The following ZDHHC24 variants were observed in gnomAD, a reference collection of about 807,000 sequenced individuals.
ZDHHC24 encodes the protein zDHHC palmitoyltransferase 24.
In ZDHHC24, 17 loss-of-function variants were observed where a neutral mutation model predicts 23.2. The ratio of observed to expected loss-of-function variants is 0.73; its 90% CI spans 0.50 to 1.10. The LOEUF is 1.10. Among genes scored for constraint, ZDHHC24 ranks in the 50% least tolerant of loss-of-function variants. The probability of loss-of-function intolerance (pLI) is 0.00; values close to 1 mark genes in which losing one functional copy is unlikely to be tolerated. For missense variants in ZDHHC24, 366 were observed against 393.0 expected (o/e 0.93, Z 0.58); for synonymous variants, 186 against 194.5 (o/e 0.96, Z 0.36).
chr11:66,530,489 A>G (rs373749886), intron 2 of ZDHHC24, among the ~76,000 whole-genome samples: 5 of 152,174 alleles, frequency 3.3e-5, no homozygotes, highest in Admixed American at 2.0e-4. Flanking sequence ...TGACCCAACC[A>G]GGTTCTGAGT....
At chr11:66,531,130 G>T, downstream of ZDHHC24, 1 of 1,504,612 alleles carries the variant, frequency 6.6e-7, no homozygotes, top group South Asian at 1.2e-5. Flanking sequence ...GAGCGTGCGG[G>T]TGGCTGCCAG....
At chr11:66,534,545 C>T (rs1042818451), downstream of ZDHHC24, among the ~76,000 whole-genome samples, 3 of 149,732 alleles carry the variant, frequency 2.0e-5, no homozygotes, top group African/African-American at 7.4e-5. Flanking sequence ...CACTTGTAAT[C>T]CCAGCCCTTT....
At chr11:66,527,876 C>T (rs1487388571) in intron 3 of ZDHHC24, among the ~76,000 whole-genome samples, 2 of 152,018 alleles carry the variant, frequency 1.3e-5, no homozygotes, top group African/African-American at 4.8e-5. Flanking sequence ...AGATGATAGC[C>T]AGACCCCCAG....
Position 66,539,498 on chromosome 11 carries a change from C to A in ZDHHC24, c.*31G>T. On this transcript the variant is annotated 3_prime_UTR_variant, in exon 3 of 3. Transcript: ENST00000310442. ...TGTGGGGGCCCCCCTCTCACCCCTT[C>A]CTCCCTGCACAGCTCTGGCTCTTCC... is the stretch of plus-strand genomic sequence containing the variant. The A allele has an allele frequency of 1.3e-6, 2 of 1,500,760 alleles. No homozygotes were observed. The highest frequency in any genetic ancestry group is 8.9e-7 in the Non-Finnish European group (1 of 1,126,560). 93.0% of individuals were successfully genotyped at this position (1,500,760 alleles called of 1,614,324 possible). A position where few individuals can be genotyped will look rare whatever the true frequency, so the allele number is the denominator to read the frequency against.
intron 2 of ZDHHC24, among the ~76,000 whole-genome samples, chr11:66,542,985 C>A (rs1196398075): frequency 6.6e-6 from 1 of 152,072 alleles, no homozygotes; most frequent in Non-Finnish European, 1.5e-5. Context: ...ACAGTGACTA[C>A]CCGGAGTAGC....
chr11:66,544,001 C>T lies in ZDHHC24; in HGVS notation c.282-20G>A, dbSNP rs368548864. ...CAGTAACTGCAGGAAGGAACCACAG[C>T]GTCAGTTCCCCCAGCAGCTCAGATG... On this transcript the variant is annotated intron_variant, in intron 1 of 2. Coordinates refer to ENST00000310442, the MANE Select transcript of ZDHHC24 (RefSeq NM_207340.3). 3 of 1,609,464 alleles carry T rather than the reference C, an allele frequency of 1.9e-6. No homozygotes were observed. Among genetic ancestry groups the T allele is most frequent in the South Asian group, 1.1e-5 (1 of 90,676 alleles).
At chr11:66,524,399 C>A in intron 4 of ZDHHC24, 1 of 207,568 alleles carries the variant, frequency 4.8e-6, no homozygotes, top group Non-Finnish European at 9.9e-6. Flanking sequence ...AGGTAACAGC[C>A]AGCCAGAGAC....
chr11:66,544,208 G>A (rs1369672230), intron 1 of ZDHHC24, among the ~76,000 whole-genome samples: 1 of 152,118 alleles, frequency 6.6e-6, no homozygotes, highest in East Asian at 1.9e-4. Flanking sequence ...CCAGTCCTGA[G>A]ACCTCTCTCA....
chr11:66,543,623 G>A (rs1034343184), intron 2 of ZDHHC24, 81 bp downstream of exon 2: 20 of 1,451,378 alleles, frequency 1.4e-5, no homozygotes, highest in South Asian at 2.9e-5. Context: ...CAGAAAGCCC[G>A]TCTCCCACCA....
chr11:66,541,379 G>T (rs1384805983), intron 2 of ZDHHC24, among the ~76,000 whole-genome samples: 2 of 151,722 alleles, frequency 1.3e-5, no homozygotes, highest in Non-Finnish European at 2.9e-5. Context: ...CTCCAGCCTG[G>T]GCAACAAGAG....
chr11:66,545,935 C>G lies in ZDHHC24; in HGVS notation c.69G>C (p.Ala23=). The G allele has an allele frequency of 4.7e-6, 7 of 1,504,132 alleles. No individual in the cohort carries two copies. The highest frequency in any genetic ancestry group is 6.2e-6 in the Non-Finnish European group (7 of 1,136,758). The allele number at this position is 1,504,132 out of a possible 1,614,324, so 93.2% of individuals were successfully genotyped here. A position where few individuals can be genotyped will look rare whatever the true frequency, so the allele number is the denominator to read the frequency against. The change falls in exon 1 of 3, where the codon GCG becomes GCC. Residue 23 remains alanine (A), a synonymous_variant. Coordinates refer to ENST00000310442, the MANE Select transcript of ZDHHC24 (RefSeq NM_207340.3). The surrounding 1 kb of genome is among the most constrained non-coding windows in gnomAD (Gnocchi z 4.5). ...CCAGGCCCACGGCCGCGGCCCACAG[C>G]GCGGTGAGCACGAGAGGCAGCTGCG... ...APAQLPLVLT[A]LWAAAVGLEL...
rs768620927 is a variant in ZDHHC24, at chr11:66,526,110, C to A, written c.*21+826G>T. On this transcript the variant is annotated intron_variant, in intron 4 of 4. Coordinates refer to the ZDHHC24 transcript ENST00000526986. The stretch of plus-strand genomic sequence containing the variant: ...AGATATTTCCCCAACTAAACTCTGA[C>A]GTCTCCACATAGGATGCAGTGACCA... 4 of 1,613,870 alleles carry A rather than the reference C, an allele frequency of 2.5e-6. No homozygotes were observed. The African/African-American group carries it at 5.3e-5, about 22-fold the overall frequency.
At chr11:66,526,090 T>C (rs1470650701) in intron 4 of ZDHHC24, 3 of 1,611,002 alleles carry the variant, frequency 1.9e-6, no homozygotes, top group Non-Finnish European at 2.5e-6. Context: ...CTCCAAGATA[T>C]TTCCCCAACT....
chr11:66,523,306 AG>A (rs1856322097), intron 4 of ZDHHC24: 7 of 1,064,340 alleles, frequency 6.6e-6, no homozygotes, highest in East Asian at 2.4e-5. Flanking sequence ...ACATTTACTA[AG>A]GTGGCAGAAG....
At position 66,539,506 on chromosome 11, in the gene ZDHHC24, C is replaced by T. The variant is rs746546552; in HGVS notation, c.*23G>A. The T allele has an allele frequency of 2.0e-6, 3 of 1,521,964 alleles. No individual in the cohort carries two copies. Among genetic ancestry groups the T allele is most frequent in the Non-Finnish European group, 2.6e-6 (3 of 1,137,090 alleles). 94.3% of individuals were successfully genotyped at this position (1,521,964 alleles called of 1,614,324 possible). On this transcript the variant is annotated 3_prime_UTR_variant, in exon 3 of 3. Transcript: ENST00000310442. ...CCCCCCTCTCACCCCTTCCTCCCTG[C>T]ACAGCTCTGGCTCTTCCTGGAGTCA...
At chr11:66,529,734 C>G in intron 2 of ZDHHC24, 1 of 1,551,890 alleles carries the variant, frequency 6.4e-7, no homozygotes, top group South Asian at 1.1e-5. Flanking sequence ...CCTCCCCACA[C>G]CAACCTGAGC....
chr11:66,531,132 G>A, downstream of ZDHHC24: 4 of 1,501,620 alleles, frequency 2.7e-6, no homozygotes, highest in Admixed American at 5.8e-5. Context: ...GCGTGCGGGT[G>A]GCTGCCAGGT....
rs1022998898 is a variant in ZDHHC24 at position 66,539,942 on chromosome 11, T to C, written c.560-118A>G. ...CTCCGCTCAGCAAACCCTGTGTCGA[T>C]ACTCGCTGGCCAGCCCGTGCTGGGT... On this transcript the variant is annotated intron_variant, in intron 2 of 2. Transcript: ENST00000310442. 11 of 1,070,044 alleles carry C rather than the reference T, an allele frequency of 1.0e-5. No homozygotes were observed. The African/African-American group carries it at 1.6e-4, about 16-fold the overall frequency. 66.3% of individuals were successfully genotyped at this position (1,070,044 alleles called of 1,614,324 possible). A position where few individuals can be genotyped will look rare whatever the true frequency, so the allele number is the denominator to read the frequency against.
chr11:66,529,135 G>A, intron 3 of ZDHHC24: 1 of 984,562 alleles, frequency 1.0e-6, no homozygotes, highest in Non-Finnish European at 1.2e-6. Flanking sequence ...AAACGGAAGA[G>A]CGAAGCCAGC....
Sources: allele counts gnomAD v4.1 joint callset (sites outside exome capture counted in the v4.1 genomes callset), GRCh38; gene constraint gnomAD v4.1.1; non-coding constraint Gnocchi (gnomAD v3.1); transcripts MANE v1.5; gene names NCBI Gene and HGNC (gene_info 2026-07-23, HGNC 2026-07-21).